PRPF38A: variants seen among roughly 807,000 people sequenced by gnomAD.
PRPF38A encodes the protein pre-mRNA-splicing factor 38A.
In PRPF38A, 11 loss-of-function variants were observed where a neutral mutation model predicts 46.8. That is an observed-to-expected ratio of 0.24 (90% confidence interval 0.15 to 0.39). PRPF38A has a LOEUF of 0.39. Among genes scored for constraint, PRPF38A ranks in the 10% least tolerant of loss-of-function variants. The pLI, the probability that PRPF38A is intolerant of heterozygous loss-of-function variation, is 1.00. For missense variants in PRPF38A, 261 were observed against 407.5 expected, an observed-to-expected ratio of 0.64 and a Z score of 3.10; for synonymous variants, 124 against 136.2, an observed-to-expected ratio of 0.91 and a Z score of 0.62.
chr1:52,404,928 C>A, intron 1 of PRPF38A, 49 bp downstream of exon 1: 1 of 1,600,856 alleles, frequency 6.2e-7, no homozygotes, highest in Non-Finnish European at 8.5e-7. Flanking sequence ...TGGCCCATTT[C>A]TCCTGACCGA....
In PRPF38A at chr1:52,420,560, G is replaced by A. The variant is rs899882004; in HGVS notation, c.*3870G>A. 1 of 152,026 alleles carries A rather than the reference G, an allele frequency of 6.6e-6. No homozygotes were observed. The highest frequency in any genetic ancestry group is 2.4e-5 in the African/African-American group (1 of 41,394). 9.4% of individuals were successfully genotyped at this position (152,026 alleles called of 1,614,324 possible). On this transcript the variant is annotated 3_prime_UTR_variant, in exon 10 of 10. Transcript: ENST00000257181. Reference sequence around the variant, plus strand: ...TTACAAGACTAGATTCTCTTGTGGGGAAAAAAGTATTTAAATTGAGCATTT... The same window carrying A: ...TTACAAGACTAGATTCTCTTGTGGGAAAAAAAGTATTTAAATTGAGCATTT...
intron 1 of PRPF38A, 40 bp from the exon 2 acceptor site, chr1:52,405,640 C>T (rs1647963527): frequency 1.2e-6 from 2 of 1,602,692 alleles, no homozygotes; most frequent in African/African-American, 2.7e-5. Context: ...CTAGGAAGAG[C>T]TTAGCCCTAA....
chr1:52,411,249 G>A, intron 4 of PRPF38A, 49 bp downstream of exon 4: 1 of 1,366,848 alleles, frequency 7.3e-7, no homozygotes, highest in Non-Finnish European at 1.0e-6. Flanking sequence ...TTCCTAGACG[G>A]GCAGACAGAC....
At position 52,411,096 on chromosome 1, in the gene PRPF38A, T is replaced by G; in HGVS notation, c.413-19T>G. The stretch of plus-strand genomic sequence containing the variant: ...TCTTTTATTTCCAGGTTGTTTGCTC[T>G]AATGACTTTTTCTTGCAGAGTTTGA... On this transcript the variant is annotated intron_variant, in intron 3 of 9. Coordinates refer to ENST00000257181, the MANE Select transcript of PRPF38A (RefSeq NM_032864.4). 6.3e-7 allele frequency: 1 copy of G among 1,594,280 alleles called. No individual in the cohort carries two copies. Among genetic ancestry groups the G allele is most frequent in the Non-Finnish European group, 8.6e-7 (1 of 1,162,826 alleles).
chr1:52,405,983 AT>A, intron 2 of PRPF38A, 144 bp downstream of exon 2: 1 of 686,576 alleles, frequency 1.5e-6, no homozygotes, highest in Non-Finnish European at 2.5e-6. Context: ...TTGAGTTTGT[AT>A]TTTTTGTTTG....
intron 2 of PRPF38A, 112 bp from the exon 3 acceptor site, chr1:52,408,457 T>C (rs929519348): frequency 8.2e-6 from 12 of 1,458,728 alleles, no homozygotes; most frequent in East Asian, 2.3e-5. Flanking sequence ...TGCAGCTTTC[T>C]TACCTGCCAA....
In PRPF38A at chr1:52,404,759, C is replaced by T; in HGVS notation, c.10C>T (p.Arg4Cys). The change falls in exon 1 of 10, where the codon CGT becomes TGT. Residue 4 changes from arginine to cysteine, a missense_variant. Physicochemically the swap from Arg to Cys is radical, Grantham distance 180. Coordinates refer to ENST00000257181, the MANE Select transcript of PRPF38A (RefSeq NM_032864.4). MAN[R>C]TVKDAHSIHG... is the part of the protein sequence containing the mutation. ...TTGAAGGCATTCTAAAATGGCTAAC[C>T]GTACAGTGAAGGATGCGCACAGCAT... The T allele has an allele frequency of 6.2e-7, 1 of 1,613,314 alleles. No individual in the cohort carries two copies. Among genetic ancestry groups the T allele is most frequent in the Non-Finnish European group, 8.5e-7 (1 of 1,179,704 alleles).
In PRPF38A at chr1:52,419,612, G is replaced by A. The variant is rs993360433; in HGVS notation, c.*2922G>A. On this transcript the variant is annotated 3_prime_UTR_variant, in exon 10 of 10. Transcript: ENST00000257181. ...CTTTAAAAAAAAAAAGTTCAAAAGA[G>A]ATTAAGAGATGAAAAATAAGATTGG... 1 of 151,628 alleles carries A rather than the reference G, an allele frequency of 6.6e-6. No individual in the cohort carries two copies. Among genetic ancestry groups the A allele is most frequent in the Non-Finnish European group, 1.5e-5 (1 of 67,952 alleles). 9.4% of individuals were successfully genotyped at this position (151,628 alleles called of 1,614,324 possible).
Position 52,418,347 on chromosome 1 carries a change from T to C in PRPF38A, c.*1657T>C, listed in dbSNP as rs1365393264. The C allele has an allele frequency of 6.6e-6, 1 of 152,208 alleles. No homozygotes were observed. The highest frequency in any genetic ancestry group is 1.5e-5 in the Non-Finnish European group (1 of 68,040). The allele number at this position is 152,208 out of a possible 1,614,324, so 9.4% of individuals were successfully genotyped here. ...TACAGTGTCATAGCAGTTATTTCTT[T>C]ATGAAAGTGATCTAGGTAGAAAGAA... On this transcript the variant is annotated 3_prime_UTR_variant, in exon 10 of 10. Coordinates refer to ENST00000257181, the MANE Select transcript of PRPF38A (RefSeq NM_032864.4).
chr1:52,418,407 C>T lies in PRPF38A; in HGVS notation c.*1717C>T, dbSNP rs1469376277. 1 of 152,074 alleles carries T rather than the reference C, an allele frequency of 6.6e-6. No individual in the cohort carries two copies. Among genetic ancestry groups the T allele is most frequent in the African/African-American group, 2.4e-5 (1 of 41,400 alleles). 9.4% of individuals were successfully genotyped at this position (152,074 alleles called of 1,614,324 possible). A position where few individuals can be genotyped will look rare whatever the true frequency, so the allele number is the denominator to read the frequency against. On this transcript the variant is annotated 3_prime_UTR_variant, in exon 10 of 10. Coordinates refer to ENST00000257181, the MANE Select transcript of PRPF38A (RefSeq NM_032864.4). ...GGCATGGACAGAAATGACCCATGGA[C>T]CAACCAAGCTGTCATCCAGTACACT...
At chr1:52,408,869 G>T in intron 3 of PRPF38A, 179 bp downstream of exon 3, 1 of 644,916 alleles carries the variant, frequency 1.6e-6, no homozygotes, top group Non-Finnish European at 2.5e-6. Context: ...TACTAGCTTC[G>T]TGTTGGCCTT....
rs1472044890 is a variant in PRPF38A at position 52,415,488 on chromosome 1, C to A, written c.896+102C>A. ...TTGTTGGGGGATGTTAGGAATTCTC[C>A]TGCATTACAAGACAAAATTGGTCTA... On this transcript the variant is annotated intron_variant, in intron 9 of 9. Transcript: ENST00000257181. 14 of 962,614 alleles carry A rather than the reference C, an allele frequency of 1.5e-5. No homozygotes were observed. The Admixed American group carries it at 2.6e-4, about 18-fold the overall frequency. The allele number at this position is 962,614 out of a possible 1,614,324, so 59.6% of individuals were successfully genotyped here.
At chr1:52,410,698 C>G (rs1266414532) in intron 3 of PRPF38A, among the ~76,000 whole-genome samples, 1 of 151,984 alleles carries the variant, frequency 6.6e-6, no homozygotes, top group African/African-American at 2.4e-5. Flanking sequence ...GATGGGGTTT[C>G]GCCATGTTGG....
rs1016928081 is a variant in PRPF38A at position 52,419,740 on chromosome 1, A to T, written c.*3050A>T. ...TGGAAAAGAGAAATATGTAGAATAA[A>T]GAAATATTCTGATGGTTTAAAAAGA... is the stretch of plus-strand genomic sequence containing the variant. On this transcript the variant is annotated 3_prime_UTR_variant, in exon 10 of 10. Coordinates refer to ENST00000257181, the MANE Select transcript of PRPF38A (RefSeq NM_032864.4). 6.6e-6 allele frequency: 1 copy of T among 152,204 alleles called. No individual in the cohort carries two copies. The highest frequency in any genetic ancestry group is 6.5e-5 in the Admixed American group (1 of 15,270). The allele number at this position is 152,204 out of a possible 1,614,324, so 9.4% of individuals were successfully genotyped here.
rs911357624 is a variant in PRPF38A, at chr1:52,405,699, A to G, written c.150A>G (p.Lys50=). 9.9e-6 allele frequency: 16 copies of G among 1,613,362 alleles called. No individual in the cohort carries two copies. In the East Asian group the frequency reaches 3.1e-4, roughly 31 times the overall value. ...TTTTAGCTGAACTTGTAGTCGATAA[A>G]GCCATGGAGTTAAGGTTTGTGGGTG... ...FGLTAELVVD[K]AMELRFVGGV... is the part of the protein sequence containing the mutation. Residue 50 remains lysine, a synonymous_variant, in exon 2 of 10, where the codon AAA becomes AAG. Coordinates refer to ENST00000257181, the MANE Select transcript of PRPF38A (RefSeq NM_032864.4).
intron 4 of PRPF38A, among the ~76,000 whole-genome samples, chr1:52,411,520 T>C (rs1212754523): frequency 1.3e-5 from 2 of 152,210 alleles, no homozygotes; most frequent in Admixed American, 1.3e-4. Context: ...TACCTGTCTA[T>C]CATGAAAAAA....
At chr1:52,406,589 A>G (rs1018654707) in intron 2 of PRPF38A, among the ~76,000 whole-genome samples, 1 of 152,128 alleles carries the variant, frequency 6.6e-6, no homozygotes, top group Admixed American at 6.5e-5. Context: ...TGACTATAAT[A>G]TAAGAGTGAA....
chr1:52,408,061 A>G (rs1200136458), intron 2 of PRPF38A, among the ~76,000 whole-genome samples: 1 of 152,022 alleles, frequency 6.6e-6, no homozygotes, highest in Non-Finnish European at 1.5e-5. Context: ...GTCTCAAGAA[A>G]TAAATAAATA....
At position 52,416,822 on chromosome 1, in the gene PRPF38A, T is replaced by C; in HGVS notation, c.*132T>C. Reference sequence around the variant, plus strand: ...TTTTCTTATCAAGTTTCTCAACCTTTATTTTTAATGAAGGAGGTGCTGAGT... The same window carrying C: ...TTTTCTTATCAAGTTTCTCAACCTTCATTTTTAATGAAGGAGGTGCTGAGT... On this transcript the variant is annotated 3_prime_UTR_variant, in exon 10 of 10. Transcript: ENST00000257181. 2.8e-6 allele frequency: 2 copies of C among 715,694 alleles called. No homozygotes were observed. Among genetic ancestry groups the C allele is most frequent in the Non-Finnish European group, 4.9e-6 (2 of 405,958 alleles). 44.3% of individuals were successfully genotyped at this position (715,694 alleles called of 1,614,324 possible).
Sources: gnomAD v4.1 joint callset for allele counts (sites outside exome capture counted in the v4.1 genomes callset) on GRCh38, gnomAD v4.1.1 for gene constraint, MANE v1.5 for transcripts, NCBI Gene and HGNC (gene_info 2026-07-23, HGNC 2026-07-21) for gene names.